The following LOC128462377 variants were observed in gnomAD, a reference collection of about 807,000 sequenced individuals.
At chr16:89,329,724 TTAAATA>T in the LOC128462377 span, among the ~76,000 whole-genome samples, 1 of 152,180 alleles carries the variant, frequency 6.6e-6, no homozygotes, top group Non-Finnish European at 1.5e-5. Flanking sequence ...ATTTAAAACA[TTAAATA>T]TAAAATGAGA....
the LOC128462377 span, among the ~76,000 whole-genome samples, chr16:89,348,501 A>C: frequency 6.6e-6 from 1 of 152,154 alleles, no homozygotes; most frequent in South Asian, 2.1e-4. Context: ...TCTGTTGTGG[A>C]AGGGCTTCTA....
chr16:89,331,440 A>T, the LOC128462377 span, among the ~76,000 whole-genome samples: 1 of 152,186 alleles, frequency 6.6e-6, no homozygotes, highest in Non-Finnish European at 1.5e-5. Context: ...CAAAGGGAGA[A>T]TTTACAGATT....
the LOC128462377 span, among the ~76,000 whole-genome samples, chr16:89,334,061 A>C: frequency 2.8e-3 from 427 of 151,002 alleles, 1 homozygote; most frequent in African/African-American, 0.01. Flanking sequence ...CCTGTAAAAC[A>C]AGCACTTTGG....
At chr16:89,369,083 A>G in the LOC128462377 span, among the ~76,000 whole-genome samples, 1 of 152,108 alleles carries the variant, frequency 6.6e-6, no homozygotes, top group African/African-American at 2.4e-5. Flanking sequence ...GCTGCCCTAC[A>G]ATGATCACAT....
At chr16:89,407,432 C>A in the LOC128462377 span, among the ~76,000 whole-genome samples, 1 of 152,176 alleles carries the variant, frequency 6.6e-6, no homozygotes, top group Admixed American at 6.5e-5. Context: ...CCCTTCCCAG[C>A]ATTTCCTGCC....
the LOC128462377 span, among the ~76,000 whole-genome samples, chr16:89,342,068 A>ACCT: frequency 0.087 from 6,726 of 77,368 alleles, 1,846 homozygotes; most frequent in Non-Finnish European, 0.12. Context: ...GGAGTGCTGC[A>ACCT]CCTCCACCGC....
the LOC128462377 span, among the ~76,000 whole-genome samples, chr16:89,330,724 TTCACTTCCACCTCATCC>T: frequency 7.3e-6 from 1 of 136,150 alleles, no homozygotes; most frequent in South Asian, 2.5e-4. Flanking sequence ...GTCCCACGGC[TTCACTTCCACCTCATCC>T]TGTTCCTCCT....
At chr16:89,334,838 G>A in the LOC128462377 span, among the ~76,000 whole-genome samples, 2 of 152,108 alleles carry the variant, frequency 1.3e-5, no homozygotes, top group Non-Finnish European at 2.9e-5. Context: ...CACACGGGGC[G>A]CACGTGTCCA....
chr16:89,337,269 G>A, the LOC128462377 span, among the ~76,000 whole-genome samples: 1,439 of 151,942 alleles, frequency 9.5e-3, 34 homozygotes, highest in African/African-American at 0.032. Context: ...ATGCTCCCAA[G>A]GAAACGTCAG....
At chr16:89,369,654 T>C in the LOC128462377 span, among the ~76,000 whole-genome samples, 6 of 152,138 alleles carry the variant, frequency 3.9e-5, no homozygotes, top group Non-Finnish European at 8.8e-5. Flanking sequence ...GGGGTCCTTG[T>C]GGTGACGCAA....
the LOC128462377 span, among the ~76,000 whole-genome samples, chr16:89,390,268 G>A: frequency 2.8e-5 from 4 of 144,282 alleles, no homozygotes; most frequent in East Asian, 8.4e-4. Flanking sequence ...CGAGTGTGGC[G>A]GGGAGCACCG....
the LOC128462377 span, among the ~76,000 whole-genome samples, chr16:89,397,972 T>C: frequency 6.6e-6 from 1 of 152,220 alleles, no homozygotes; most frequent in East Asian, 1.9e-4. Context: ...CGGTGCAATA[T>C]TCACCCACCA....
chr16:89,368,878 G>T, the LOC128462377 span, among the ~76,000 whole-genome samples: 2 of 152,100 alleles, frequency 1.3e-5, no homozygotes, highest in African/African-American at 4.8e-5. Context: ...CAAATCTAGG[G>T]GAGGAGAAAG....
At chr16:89,401,653 C>A in the LOC128462377 span, among the ~76,000 whole-genome samples, 1 of 152,180 alleles carries the variant, frequency 6.6e-6, no homozygotes. Flanking sequence ...AGCCCCCCAA[C>A]ACCACAGACG....
At chr16:89,402,399 T>C in the LOC128462377 span, among the ~76,000 whole-genome samples, 1 of 152,018 alleles carries the variant, frequency 6.6e-6, no homozygotes, top group African/African-American at 2.4e-5. Flanking sequence ...GCACATCAAT[T>C]TAAATTTAGG....
chr16:89,379,664 G>A, the LOC128462377 span, among the ~76,000 whole-genome samples: 1 of 152,192 alleles, frequency 6.6e-6, no homozygotes, highest in East Asian at 1.9e-4. Flanking sequence ...CCACCTCCAG[G>A]TGACTGGGAC....
chr16:89,370,702 C>T, the LOC128462377 span: 2 of 152,514 alleles, frequency 1.3e-5, no homozygotes, highest in Non-Finnish European at 2.9e-5. Context: ...CGGCAGGACC[C>T]GAGAGCAGAA....
At chr16:89,384,081 G>A in the LOC128462377 span, among the ~76,000 whole-genome samples, 1 of 152,198 alleles carries the variant, frequency 6.6e-6, no homozygotes, top group Non-Finnish European at 1.5e-5. Flanking sequence ...TTAGCCGGGC[G>A]TGGTGGCAGG....
At chr16:89,418,272 G>A in the LOC128462377 span, 1 of 453,910 alleles carries the variant, frequency 2.2e-6, no homozygotes, top group Non-Finnish European at 4.4e-6. Flanking sequence ...AGAGAATGCA[G>A]TGAGTATTTA....
Sources: gnomAD v4.1 joint callset for allele counts (sites outside exome capture counted in the v4.1 genomes callset) on GRCh38, gnomAD v4.1.1 for gene constraint, MANE v1.5 for transcripts.